Variants in KIAA1217 observed in about 807,000 individuals in gnomAD.
KIAA1217 encodes the protein sickle tail protein homolog.
A neutral mutation model predicts 163.9 loss-of-function variants in KIAA1217; 88 were observed. The ratio of observed to expected loss-of-function variants is 0.54; its 90% confidence interval spans 0.45 to 0.64. The LOEUF (loss-of-function observed/expected upper bound fraction) is 0.64. KIAA1217 is among the 30% of genes least tolerant of loss of function. The pLI, the probability that KIAA1217 is intolerant of heterozygous loss-of-function variation, is 0.00. For missense variants in KIAA1217, 2,372 were observed against 2,475.0 expected (o/e 0.96, Z 0.88); for synonymous variants, 903 against 923.1 (o/e 0.98, Z 0.39).
chr10:24,526,887 T>C (rs544711335), intron 13 of KIAA1217, among the ~76,000 whole-genome samples: 5 of 152,312 alleles, frequency 3.3e-5, no homozygotes, highest in Non-Finnish European at 5.9e-5. Context: ...ATTATTTATA[T>C]GTAATGAAAC....
rs530660504 is a variant in KIAA1217 at position 24,532,609 on chromosome 10, T to C, written c.3247-461T>C. Among the ~76,000 whole-genome samples, 3 of 152,238 alleles carry C rather than the reference T, an allele frequency of 2.0e-5. No individual in the cohort carries two copies. In the South Asian group the frequency reaches 6.2e-4, roughly 32 times the overall value. ...GATGAAGGAAGAGCAAAGGCACTTC[T>C]CACATGGTGGCAGGCAAGAAAGAGA... On this transcript the variant is annotated intron_variant, in intron 15 of 20. Transcript: ENST00000376454.
At chr10:24,522,164 C>A (rs1007005818) in intron 12 of KIAA1217, among the ~76,000 whole-genome samples, 1 of 152,080 alleles carries the variant, frequency 6.6e-6, no homozygotes, top group African/African-American at 2.4e-5. Flanking sequence ...AATTAATAGA[C>A]ACAGTAAACA....
At position 24,521,633 on chromosome 10, in the gene KIAA1217, T is replaced by C. The variant is rs546424921; in HGVS notation, c.2309-149T>C. 3.1e-5 allele frequency: 27 copies of C among 870,750 alleles called. No individual in the cohort carries two copies. The East Asian group carries it at 6.6e-4, about 21-fold the overall frequency. 53.9% of individuals were successfully genotyped at this position (870,750 alleles called of 1,614,324 possible). ...AAGGTGAGTTTCTCCAATGCTCCTCTGTGCTCTTAACCCACTGCCACCTGA... is the reference window on the plus strand; with the variant it reads ...AAGGTGAGTTTCTCCAATGCTCCTCCGTGCTCTTAACCCACTGCCACCTGA... On this transcript the variant is annotated intron_variant, in intron 11 of 20. Coordinates refer to ENST00000376454, the MANE Select transcript of KIAA1217 (RefSeq NM_019590.5).
intron 1 of KIAA1217, among the ~76,000 whole-genome samples, chr10:23,778,097 A>G (rs560732239): frequency 6.6e-6 from 1 of 152,154 alleles, no homozygotes; most frequent in African/African-American, 2.4e-5. Flanking sequence ...GTGCACCACC[A>G]TGTTTGGCTA....
intron 2 of KIAA1217, among the ~76,000 whole-genome samples, chr10:24,296,881 G>A (rs1268162261): frequency 6.6e-6 from 1 of 152,196 alleles, no homozygotes; most frequent in Non-Finnish European, 1.5e-5. Flanking sequence ...CACGTGTATA[G>A]TTTTATAATC....
chr10:23,742,216 G>A (rs1400493252), intron 1 of KIAA1217, among the ~76,000 whole-genome samples: 4 of 152,284 alleles, frequency 2.6e-5, no homozygotes, highest in Middle Eastern at 3.4e-3. Flanking sequence ...TTTTGCCTGA[G>A]TCAATAAGTC....
At chr10:23,965,325 G>A (rs1245325964) in intron 1 of KIAA1217, among the ~76,000 whole-genome samples, 1 of 152,230 alleles carries the variant, frequency 6.6e-6, no homozygotes, top group East Asian at 1.9e-4. Context: ...CCAACTGTAT[G>A]TTTCATAACT....
At chr10:24,204,427 C>T (rs531376676), upstream of KIAA1217, among the ~76,000 whole-genome samples, 9 of 152,260 alleles carry the variant, frequency 5.9e-5, no homozygotes, top group East Asian at 1.9e-4. Flanking sequence ...GCTTGTAATA[C>T]GGTCCGTGTG....
chr10:24,456,798 G>T (rs1358719520), intron 5 of KIAA1217, among the ~76,000 whole-genome samples: 1 of 151,542 alleles, frequency 6.6e-6, no homozygotes, highest in African/African-American at 2.4e-5. Context: ...CGCCTCCCAG[G>T]TTCAAGTGAT....
At chr10:24,497,094 T>C (rs1302946129) in intron 8 of KIAA1217, among the ~76,000 whole-genome samples, 2 of 152,224 alleles carry the variant, frequency 1.3e-5, no homozygotes, top group Non-Finnish European at 2.9e-5. Flanking sequence ...AGCAGCCTTG[T>C]ATAGTGCACA....
intron 1 of KIAA1217, among the ~76,000 whole-genome samples, chr10:23,972,865 C>T (rs1469718731): frequency 1.3e-5 from 2 of 152,076 alleles, no homozygotes; most frequent in South Asian, 4.2e-4. Flanking sequence ...GAACAGAAAA[C>T]CAAGCACTGC....
chr10:23,969,865 G>A (rs535565854), intron 1 of KIAA1217, among the ~76,000 whole-genome samples: 1 of 152,346 alleles, frequency 6.6e-6, no homozygotes, highest in African/African-American at 2.4e-5. Context: ...TGGACTCACA[G>A]TTCCACGTGG....
chr10:24,022,336 G>A (rs1434861372), intron 2 of KIAA1217, among the ~76,000 whole-genome samples: 1 of 151,606 alleles, frequency 6.6e-6, no homozygotes, highest in African/African-American at 2.4e-5. Context: ...ATACAGATGG[G>A]AAATATGCAT....
In KIAA1217 at chr10:24,512,315, T is replaced by C. The variant is rs2069307383; in HGVS notation, c.2002-944T>C. Among the ~76,000 whole-genome samples, 3 of 152,176 alleles carry C rather than the reference T, an allele frequency of 2.0e-5. No individual in the cohort carries two copies. The South Asian group carries it at 6.2e-4, about 31-fold the overall frequency. ...CAGGAAACCATTGAAATTTGTTAAA[T>C]GATATTTCAGTGGAACTTTGGGGAT... On this transcript the variant is annotated intron_variant, in intron 9 of 20. Transcript: ENST00000376454.
intron 5 of KIAA1217, among the ~76,000 whole-genome samples, chr10:24,458,823 G>A (rs1564716442): frequency 6.6e-6 from 1 of 152,060 alleles, no homozygotes; most frequent in Non-Finnish European, 1.5e-5. Context: ...AGAAATTCTA[G>A]ATAATTATGA....
intron 1 of KIAA1217, among the ~76,000 whole-genome samples, chr10:23,831,830 A>G (rs1838217672): frequency 6.6e-6 from 1 of 152,198 alleles, no homozygotes; most frequent in Admixed American, 6.6e-5. Flanking sequence ...TGTGGAATTT[A>G]GCATACTTGT....
chr10:24,535,707 G>A (rs1451907774), intron 16 of KIAA1217, among the ~76,000 whole-genome samples: 1 of 152,206 alleles, frequency 6.6e-6, no homozygotes, highest in Non-Finnish European at 1.5e-5. Flanking sequence ...AACCCGGGAA[G>A]CAGAGGTTGC....
At chr10:24,488,369 A>G (rs894124327) in intron 6 of KIAA1217, among the ~76,000 whole-genome samples, 12 of 152,186 alleles carry the variant, frequency 7.9e-5, no homozygotes, top group African/African-American at 2.4e-4. Context: ...ATTCCAAAGC[A>G]GGGGAGATAC....
intron 2 of KIAA1217, among the ~76,000 whole-genome samples, chr10:24,021,879 C>T (rs1444451800): frequency 5.6e-5 from 1 of 17,718 alleles, no homozygotes. Context: ...ATCTGGACAT[C>T]AATATACAAA....
Sources: allele counts gnomAD v4.1 joint callset (sites outside exome capture counted in the v4.1 genomes callset), GRCh38; gene constraint gnomAD v4.1.1; transcripts MANE v1.5; gene names NCBI Gene and HGNC (gene_info 2026-07-23, HGNC 2026-07-21).